The following KCNQ5 variants were observed in gnomAD, a reference collection of about 807,000 sequenced individuals.
The protein encoded by KCNQ5 is potassium voltage-gated channel subfamily Q member 5.
Under a neutral mutation model 98.2 loss-of-function variants are expected in KCNQ5, and 30 were observed. The ratio of observed to expected loss-of-function variants is 0.31; its 90% CI spans 0.23 to 0.41. The LOEUF is 0.41. Among genes scored for constraint, KCNQ5 ranks in the 10% least tolerant of loss-of-function variants. KCNQ5 has a pLI of 1.00. For synonymous variants in KCNQ5, 458 were observed against 449.4 expected, an observed-to-expected ratio of 1.02 and a Z score of -0.24; for missense variants, 835 against 1,182.5, an observed-to-expected ratio of 0.71 and a Z score of 4.31.
intron 1 of KCNQ5, among the ~76,000 whole-genome samples, chr6:72,763,353 G>A (rs563946749): frequency 3.9e-5 from 6 of 151,980 alleles, no homozygotes; most frequent in South Asian, 2.1e-4. Context: ...AAACAGTGTG[G>A]GAGTTAAAAT....
intron 1 of KCNQ5, among the ~76,000 whole-genome samples, chr6:72,647,337 T>C (rs945731181): frequency 6.6e-6 from 1 of 151,770 alleles, no homozygotes; most frequent in African/African-American, 2.4e-5. Flanking sequence ...GTCAGAGTCA[T>C]GGCAAGAGAG....
chr6:72,699,892 G>A (rs1261931418), intron 1 of KCNQ5, among the ~76,000 whole-genome samples: 1 of 152,080 alleles, frequency 6.6e-6, no homozygotes, highest in Non-Finnish European at 1.5e-5. Flanking sequence ...TCTATGTTTC[G>A]GGCGTCAAGC....
chr6:72,872,701 C>T (rs556069965), intron 1 of KCNQ5, among the ~76,000 whole-genome samples: 5 of 152,006 alleles, frequency 3.3e-5, no homozygotes, highest in Middle Eastern at 3.4e-3. Flanking sequence ...TGATTTACAA[C>T]GAGGAAAAAT....
chr6:73,048,366 A>G (rs1241062820), intron 3 of KCNQ5, among the ~76,000 whole-genome samples: 1 of 152,134 alleles, frequency 6.6e-6, no homozygotes, highest in Non-Finnish European at 1.5e-5. Context: ...CAAGGTGGAG[A>G]CATAAGGTCT....
intron 2 of KCNQ5, among the ~76,000 whole-genome samples, chr6:73,009,665 T>C (rs913439211): frequency 6.6e-6 from 1 of 152,078 alleles, no homozygotes; most frequent in East Asian, 1.9e-4. Context: ...AATACTCGAA[T>C]TAATAGAATC....
chr6:72,775,093 G>A (rs1773095466), intron 1 of KCNQ5, among the ~76,000 whole-genome samples: 1 of 152,122 alleles, frequency 6.6e-6, no homozygotes, highest in South Asian at 2.1e-4. Context: ...ATAAATACAT[G>A]TGTTATATTC....
chr6:72,735,475 A>G (rs1469892918), intron 1 of KCNQ5, among the ~76,000 whole-genome samples: 2 of 152,168 alleles, frequency 1.3e-5, no homozygotes, highest in Non-Finnish European at 2.9e-5. Flanking sequence ...TTTGTATACA[A>G]TAGAGTACTA....
At chr6:72,683,149 C>G (rs968169178) in intron 1 of KCNQ5, among the ~76,000 whole-genome samples, 1 of 152,160 alleles carries the variant, frequency 6.6e-6, no homozygotes, top group East Asian at 1.9e-4. Context: ...CTCAAGTTCA[C>G]ACAAATGCTA....
chr6:72,804,374 A>G (rs1036325380), intron 1 of KCNQ5, among the ~76,000 whole-genome samples: 1 of 151,710 alleles, frequency 6.6e-6, no homozygotes, highest in Non-Finnish European at 1.5e-5. Flanking sequence ...TATCTCCTTA[A>G]GTTCAATTGT....
intron 1 of KCNQ5, among the ~76,000 whole-genome samples, chr6:72,856,449 CACACACACACACACACATATAT>C (rs955861165): frequency 2.0e-4 from 18 of 90,578 alleles, no homozygotes; most frequent in Non-Finnish European, 3.7e-4. Flanking sequence ...TATACATACA[CACACACACACACACACATATAT>C]ACACACACAC....
chr6:72,956,030 T>G (rs1767027585), intron 1 of KCNQ5, among the ~76,000 whole-genome samples: 2 of 152,186 alleles, frequency 1.3e-5, no homozygotes, highest in African/African-American at 4.8e-5. Flanking sequence ...TATCACTGTT[T>G]AACAGAAACT....
chr6:73,043,464 A>G (rs549910299), intron 3 of KCNQ5, among the ~76,000 whole-genome samples: 9 of 152,242 alleles, frequency 5.9e-5, no homozygotes, highest in Non-Finnish European at 1.3e-4. Flanking sequence ...TTGCAGGTTC[A>G]TAAAGCCCCA....
intron 1 of KCNQ5, among the ~76,000 whole-genome samples, chr6:72,714,212 C>G (rs962981400): frequency 6.6e-6 from 1 of 152,190 alleles, no homozygotes; most frequent in Non-Finnish European, 1.5e-5. Flanking sequence ...TTAATCTCTA[C>G]CTAATTAACT....
At chr6:73,176,684 T>A (rs531775720) in intron 11 of KCNQ5, among the ~76,000 whole-genome samples, 3 of 152,250 alleles carry the variant, frequency 2.0e-5, no homozygotes, top group Non-Finnish European at 4.4e-5. Flanking sequence ...ATTTGGATAT[T>A]TACTGATTGG....
At chr6:73,121,699 C>A (rs1462156353) in intron 8 of KCNQ5, among the ~76,000 whole-genome samples, 2 of 152,162 alleles carry the variant, frequency 1.3e-5, no homozygotes, top group Non-Finnish European at 2.9e-5. Flanking sequence ...CTGAGGAAAC[C>A]TCCATGACAT....
chr6:73,068,817 T>C (rs1256096650), intron 3 of KCNQ5, among the ~76,000 whole-genome samples: 1 of 152,248 alleles, frequency 6.6e-6, no homozygotes, highest in Non-Finnish European at 1.5e-5. Flanking sequence ...AACAATAGTT[T>C]AATAAGTATG....
rs10214761 is a variant in KCNQ5, at chr6:72,864,424, G to A, written c.399-139484G>A. Among the ~76,000 whole-genome samples the A allele has an allele frequency of 4.4e-3, 673 of 152,268 alleles. 2 individuals are homozygous for A. Among genetic ancestry groups the A allele is most frequent in the African/African-American group, 0.015 (642 of 41,548 alleles). On this transcript the variant is annotated intron_variant, in intron 1 of 13. Coordinates refer to ENST00000370398, the MANE Select transcript of KCNQ5 (RefSeq NM_019842.4). ...AAAACGGCAAACTCTTTGCCCAGAA[G>A]CAATGTTTGTTCACTGAGAAAATCT...
intron 1 of KCNQ5, among the ~76,000 whole-genome samples, chr6:72,837,662 A>T (rs1257203857): frequency 6.6e-6 from 1 of 152,192 alleles, no homozygotes; most frequent in African/African-American, 2.4e-5. Flanking sequence ...TTCCATTGCT[A>T]TACTGCTTCC....
chr6:72,749,708 T>C (rs998247453), intron 1 of KCNQ5, among the ~76,000 whole-genome samples: 6 of 141,802 alleles, frequency 4.2e-5, no homozygotes, highest in African/African-American at 1.5e-4. Context: ...ATACCTTAAA[T>C]AGTCACTGAC....
Sources: allele counts gnomAD v4.1 joint callset (sites outside exome capture counted in the v4.1 genomes callset), GRCh38; gene constraint gnomAD v4.1.1; transcripts MANE v1.5; gene names NCBI Gene and HGNC (gene_info 2026-07-23, HGNC 2026-07-21).